The following EYS variants were observed in gnomAD, a reference collection of about 807,000 sequenced individuals.
EYS encodes the protein EGF-like photoreceptor maintenance factor, also known as protein eyes shut homolog.
EYS carries 250 observed loss-of-function variants against 282.1 expected under a neutral mutation model. The observed-to-expected ratio is 0.89, with a 90% confidence interval of 0.80 to 0.98. The LOEUF is 0.98. EYS is among the 50% of genes least tolerant of loss of function. The probability of loss-of-function intolerance (pLI) is 0.00; values close to 1 mark genes in which losing one functional copy is unlikely to be tolerated. For synonymous variants in EYS, 1,355 were observed against 1,282.9 expected (o/e 1.06, Z -1.20); for missense variants, 4,016 against 3,709.0 (o/e 1.08, Z -2.15).
chr6:65,294,514 A>G (rs12201294), intron 12 of EYS, among the ~76,000 whole-genome samples: 7,007 of 151,992 alleles, frequency 0.046, 219 homozygotes, highest in South Asian at 0.089. Flanking sequence ...TATTATGTAT[A>G]TATGTGGTAA....
intron 31 of EYS, among the ~76,000 whole-genome samples, chr6:64,092,855 T>A (rs1772422927): frequency 6.6e-6 from 1 of 151,802 alleles, no homozygotes; most frequent in South Asian, 2.1e-4. Flanking sequence ...TGGTATTGCC[T>A]AGGTTTTCTT....
intron 22 of EYS, among the ~76,000 whole-genome samples, chr6:64,727,171 G>A (rs1271175345): frequency 1.3e-5 from 2 of 152,112 alleles, no homozygotes; most frequent in Middle Eastern, 3.2e-3. Flanking sequence ...TCAAGCTATC[G>A]ATACGCTCTT....
At chr6:64,625,121 A>G (rs2149855932) in intron 23 of EYS, among the ~76,000 whole-genome samples, 1 of 152,306 alleles carries the variant, frequency 6.6e-6, no homozygotes, top group Non-Finnish European at 1.5e-5. Context: ...GGCATTGAAC[A>G]TCCGTTTTGG....
chr6:64,795,375 G>A (rs1030326384), intron 22 of EYS, among the ~76,000 whole-genome samples: 1 of 152,042 alleles, frequency 6.6e-6, no homozygotes, highest in Admixed American at 6.6e-5. Context: ...AAATAGAGAG[G>A]AAGTAGATAT....
chr6:65,356,908 C>G (rs1764507102), intron 8 of EYS, among the ~76,000 whole-genome samples: 1 of 151,998 alleles, frequency 6.6e-6, no homozygotes, highest in Non-Finnish European at 1.5e-5. Flanking sequence ...CTGACACACA[C>G]ACACATTTCA....
intron 2 of EYS, among the ~76,000 whole-genome samples, chr6:65,627,526 G>A (rs1582538865): frequency 6.6e-6 from 1 of 152,160 alleles, no homozygotes; most frequent in Admixed American, 6.5e-5. Context: ...GAGGTGTGGA[G>A]GGAGAGGTGC....
At chr6:63,765,818 G>A (rs945261739) in intron 40 of EYS, among the ~76,000 whole-genome samples, 5 of 151,824 alleles carry the variant, frequency 3.3e-5, no homozygotes, top group Non-Finnish European at 7.4e-5. Context: ...TCAGCCTCTA[G>A]TGACCATCCT....
intron 5 of EYS, among the ~76,000 whole-genome samples, chr6:65,406,100 T>C (rs959238589): frequency 6.6e-6 from 1 of 152,126 alleles, no homozygotes; most frequent in African/African-American, 2.4e-5. Flanking sequence ...CCGTTTTCTT[T>C]ATTATAGTCA....
Position 64,367,856 on chromosome 6 carries a change from G to T in EYS, c.6078+20834C>A, listed in dbSNP as rs566245607. On this transcript the variant is annotated intron_variant, in intron 29 of 42. Coordinates refer to ENST00000503581, the MANE Select transcript of EYS (RefSeq NM_001142800.2). The stretch of plus-strand genomic sequence containing the variant: ...CTTGTGCCACTCATCTTGAATCTGG[G>T]TTTGTCCTGTGCAAACTTTGACCAA... Among the ~76,000 whole-genome samples, 3 of 152,110 alleles carry T rather than the reference G, an allele frequency of 2.0e-5. No individual in the cohort carries two copies. The East Asian group carries it at 5.8e-4, about 29-fold the overall frequency.
chr6:64,983,602 G>A (rs1242131468), intron 14 of EYS, among the ~76,000 whole-genome samples: 3 of 151,144 alleles, frequency 2.0e-5, no homozygotes, highest in African/African-American at 7.3e-5. Context: ...CTATTATAAA[G>A]CCCATTTAAG....
chr6:63,757,769 T>A (rs927587974), intron 41 of EYS, among the ~76,000 whole-genome samples: 1 of 152,192 alleles, frequency 6.6e-6, no homozygotes, highest in Non-Finnish European at 1.5e-5. Flanking sequence ...GTTCCCCTGA[T>A]AAGGGAGGAT....
At chr6:65,117,879 A>C (rs1227037218) in intron 12 of EYS, among the ~76,000 whole-genome samples, 1 of 152,194 alleles carries the variant, frequency 6.6e-6, no homozygotes, top group African/African-American at 2.4e-5. Context: ...TTATTACATG[A>C]AAAATATTTT....
At chr6:64,656,339 T>C (rs1034418984) in intron 22 of EYS, among the ~76,000 whole-genome samples, 1 of 152,158 alleles carries the variant, frequency 6.6e-6, no homozygotes, top group Non-Finnish European at 1.5e-5. Context: ...CAATTATTCT[T>C]GAATAACAGG....
chr6:65,476,612 CTG>C (rs1292086350), intron 5 of EYS, among the ~76,000 whole-genome samples: 1 of 151,706 alleles, frequency 6.6e-6, no homozygotes, highest in Non-Finnish European at 1.5e-5. Context: ...AAGTCTCGCT[CTG>C]TCACCAGGCT....
chr6:64,219,593 C>T (rs1766032560), intron 31 of EYS, among the ~76,000 whole-genome samples: 1 of 152,080 alleles, frequency 6.6e-6, no homozygotes. Flanking sequence ...GTTCTAGATC[C>T]CTGAGGAATC....
intron 29 of EYS, among the ~76,000 whole-genome samples, chr6:64,345,709 A>C (rs895868405): frequency 6.6e-6 from 1 of 152,154 alleles, no homozygotes; most frequent in Non-Finnish European, 1.5e-5. Flanking sequence ...ATGGGATCTA[A>C]TTAAACTAAA....
intron 15 of EYS, among the ~76,000 whole-genome samples, chr6:64,914,532 A>G (rs904376907): frequency 3.9e-5 from 6 of 152,148 alleles, no homozygotes; most frequent in Admixed American, 3.9e-4. Context: ...CAAAGAAAAG[A>G]GTCACCTAAT....
chr6:63,869,757 T>C (rs1209093871), intron 35 of EYS, among the ~76,000 whole-genome samples: 1 of 152,152 alleles, frequency 6.6e-6, no homozygotes. Flanking sequence ...AATCAGTTAA[T>C]GGTGGAATAA....
intron 35 of EYS, among the ~76,000 whole-genome samples, chr6:63,951,282 A>G (rs916341232): frequency 6.6e-6 from 1 of 151,896 alleles, no homozygotes; most frequent in African/African-American, 2.4e-5. Context: ...AAACTCGACA[A>G]TTTTTCCAAA....
Sources: allele counts gnomAD v4.1 joint callset (sites outside exome capture counted in the v4.1 genomes callset), GRCh38; gene constraint gnomAD v4.1.1; transcripts MANE v1.5; gene names NCBI Gene and HGNC (gene_info 2026-07-23, HGNC 2026-07-21).